ARL5B: variants seen among roughly 807,000 people sequenced by gnomAD.
ARL5B encodes ARF like GTPase 5B.
ARL5B carries 10 observed loss-of-function variants against 26.9 expected under a neutral mutation model. That is an observed-to-expected ratio of 0.37 (90% CI 0.23 to 0.63). ARL5B has a LOEUF of 0.63. Among genes scored for constraint, ARL5B ranks in the 30% least tolerant of loss-of-function variants. The probability of loss-of-function intolerance (pLI) is 0.62; values close to 1 mark genes in which losing one functional copy is unlikely to be tolerated. For missense variants in ARL5B, 167 were observed against 213.9 expected, an observed-to-expected ratio of 0.78 and a Z score of 1.37; for synonymous variants, 87 against 70.4, an observed-to-expected ratio of 1.24 and a Z score of -1.18.
intron 5 of ARL5B, 38 bp downstream of exon 5, chr10:18,674,173 C>A (rs370021707): frequency 1.3e-6 from 2 of 1,558,522 alleles, no homozygotes; most frequent in African/African-American, 1.4e-5. Context: ...TGACTTCTTT[C>A]AAATTTCTTC....
chr10:18,667,520 G>A (rs1398903961), intron 2 of ARL5B, among the ~76,000 whole-genome samples: 1 of 151,994 alleles, frequency 6.6e-6, no homozygotes, highest in Non-Finnish European at 1.5e-5. Flanking sequence ...TGTCATCTTT[G>A]TTGAAATAAT....
intron 1 of ARL5B, among the ~76,000 whole-genome samples, chr10:18,664,965 A>ATTATCTGCCTTCAAGTTTTGC (rs2059854868): frequency 6.6e-6 from 1 of 152,088 alleles, no homozygotes; most frequent in Non-Finnish European, 1.5e-5. Flanking sequence ...TCCCAACAGG[A>ATTATCTGCCTTCAAGTTTTGC]TTATCTGCCT....
intron 2 of ARL5B, among the ~76,000 whole-genome samples, chr10:18,666,975 G>A (rs1309516324): frequency 6.6e-6 from 1 of 152,164 alleles, no homozygotes; most frequent in Non-Finnish European, 1.5e-5. Flanking sequence ...GCTCTAGGAA[G>A]CCATTGCTAC....
chr10:18,660,075 A>G (rs1306134338), intron 1 of ARL5B, among the ~76,000 whole-genome samples: 1 of 148,914 alleles, frequency 6.7e-6, no homozygotes, highest in Non-Finnish European at 1.5e-5. Flanking sequence ...TTTTTTTTTG[A>G]GTAATGTAGG....
rs2059899464 is a variant in ARL5B at position 18,673,996 on chromosome 10, G to C, written c.352G>C (p.Ala118Pro). The change falls in exon 5 of 6, where the codon GCT becomes CCT. Residue 118 changes from alanine to proline, a missense_variant. Physicochemically the swap from Ala to Pro is conservative, Grantham distance 27. Transcript: ENST00000377275. ...RMLAHEDLRK[A>P]AVLIFANKQD... ...GTCTTGATTGCAGGATTTACGGAAG[G>C]CTGCAGTCCTTATCTTTGCAAATAA... The C allele has an allele frequency of 6.3e-7, 1 of 1,597,906 alleles. No homozygotes were observed. The highest frequency in any genetic ancestry group is 8.5e-7 in the Non-Finnish European group (1 of 1,173,952).
intron 3 of ARL5B, among the ~76,000 whole-genome samples, chr10:18,669,559 C>T (rs917376812): frequency 6.6e-6 from 1 of 152,058 alleles, no homozygotes; most frequent in African/African-American, 2.4e-5. Flanking sequence ...TTATTAGAGG[C>T]AGATTTTTTT....
At position 18,675,294 on chromosome 10, in the gene ARL5B, A is replaced by G; in HGVS notation, c.*78A>G. On this transcript the variant is annotated 3_prime_UTR_variant, in exon 6 of 6. Transcript: ENST00000377275. The stretch of plus-strand genomic sequence containing the variant: ...TCCTAGTACCTTTGGCTGCTAAGGC[A>G]GCAGCATGTTTAATTTATAACAACA... The G allele has an allele frequency of 7.2e-7, 1 of 1,385,630 alleles. No homozygotes were observed. Among genetic ancestry groups the G allele is most frequent in the Non-Finnish European group, 1.0e-6 (1 of 974,550 alleles). 85.8% of individuals were successfully genotyped at this position (1,385,630 alleles called of 1,614,324 possible).
intron 1 of ARL5B, among the ~76,000 whole-genome samples, chr10:18,663,919 T>G (rs1228718975): frequency 6.6e-6 from 1 of 151,878 alleles, no homozygotes; most frequent in African/African-American, 2.4e-5. Context: ...TTATCATCTA[T>G]CTGCATCCTG....
At chr10:18,668,450 G>T (rs2059871312) in intron 2 of ARL5B, 80 bp from the exon 3 acceptor site, 1 of 1,482,746 alleles carries the variant, frequency 6.7e-7, no homozygotes, top group East Asian at 2.3e-5. Flanking sequence ...AAGGTTGATT[G>T]ATCTTAAAAA....
At chr10:18,664,986 C>G (rs1159965129) in intron 1 of ARL5B, among the ~76,000 whole-genome samples, 2 of 152,108 alleles carry the variant, frequency 1.3e-5, no homozygotes, top group East Asian at 3.9e-4. Context: ...TCAAGTTTTG[C>G]TTATCTTTAA....
rs139718224 is a variant in ARL5B, at chr10:18,661,491, G to C, written c.46+1808G>C. Among the ~76,000 whole-genome samples the C allele has an allele frequency of 2.3e-3, 346 of 152,198 alleles. 3 individuals are homozygous for C. The highest frequency in any genetic ancestry group is 7.9e-3 in the African/African-American group (329 of 41,544). On this transcript the variant is annotated intron_variant, in intron 1 of 5. Coordinates refer to ENST00000377275, the MANE Select transcript of ARL5B (RefSeq NM_178815.5). ...ATTTTTCTCTTCCTCTAACTTTCCT[G>C]TTGGAAAATTTAGAACCAGTGATTA...
chr10:18,663,686 C>G (rs1373477550), intron 1 of ARL5B, among the ~76,000 whole-genome samples: 2 of 150,752 alleles, frequency 1.3e-5, no homozygotes, highest in African/African-American at 4.9e-5. Flanking sequence ...GTAGCTGGGA[C>G]TACAGGTGTC....
rs2059923588 is a variant in ARL5B, at chr10:18,679,429, A to G, written c.*4213A>G. On this transcript the variant is annotated 3_prime_UTR_variant, in exon 6 of 6. Transcript: ENST00000377275. ...GGTTGTCAGTCTTTTACAAATGTCTACATAAATGTCTACATAAATCTGAAA... is the reference window on the plus strand; with the variant it reads ...GGTTGTCAGTCTTTTACAAATGTCTGCATAAATGTCTACATAAATCTGAAA... The G allele has an allele frequency of 1.3e-5, 2 of 151,888 alleles. No homozygotes were observed. Among genetic ancestry groups the G allele is most frequent in the South Asian group, 4.1e-4 (2 of 4,834 alleles). The allele number at this position is 151,888 out of a possible 1,614,324, so 9.4% of individuals were successfully genotyped here.
intron 1 of ARL5B, 148 bp from the exon 2 acceptor site, chr10:18,666,427 C>G (rs1035804622): frequency 6.5e-6 from 4 of 616,974 alleles, no homozygotes; most frequent in Admixed American, 3.7e-5. Flanking sequence ...GCCTTAACAT[C>G]ATAACATTTC....
chr10:18,663,547 T>C (rs962076193), intron 1 of ARL5B, among the ~76,000 whole-genome samples: 6 of 8,160 alleles, frequency 7.4e-4, no homozygotes, highest in Non-Finnish European at 7.9e-4. Flanking sequence ...TATTCTGCTC[T>C]TTTTTTTTTT....
intron 3 of ARL5B, among the ~76,000 whole-genome samples, chr10:18,671,964 A>G (rs559571452): frequency 3.3e-5 from 5 of 152,068 alleles, no homozygotes; most frequent in Non-Finnish European, 5.9e-5. Context: ...ATATCTTCTT[A>G]TTTTTTAATA....
At chr10:18,670,315 G>C (rs761653239) in intron 3 of ARL5B, among the ~76,000 whole-genome samples, 18 of 151,982 alleles carry the variant, frequency 1.2e-4, no homozygotes, top group East Asian at 5.8e-4. Flanking sequence ...GAATAAGTTA[G>C]AAAGTAAGGG....
intron 3 of ARL5B, among the ~76,000 whole-genome samples, chr10:18,669,623 A>G (rs1303542646): frequency 6.6e-6 from 1 of 152,154 alleles, no homozygotes; most frequent in East Asian, 1.9e-4. Context: ...ATGATTTCAC[A>G]ATTGCATCCA....
At chr10:18,666,736 T>C in intron 2 of ARL5B, 101 bp downstream of exon 2, 2 of 1,035,948 alleles carry the variant, frequency 1.9e-6, no homozygotes, top group African/African-American at 3.3e-5. Flanking sequence ...AAAACTTAAA[T>C]ATATGTTTTT....
Sources: allele counts gnomAD v4.1 joint callset (sites outside exome capture counted in the v4.1 genomes callset), GRCh38; gene constraint gnomAD v4.1.1; transcripts MANE v1.5; gene names NCBI Gene and HGNC (gene_info 2026-07-23, HGNC 2026-07-21).